The following ZFHX3 variants were observed in gnomAD, a reference collection of about 807,000 sequenced individuals.
ZFHX3 encodes the protein zinc finger homeobox 3, also known as zinc finger homeobox protein 3.
Under a neutral mutation model 279.1 loss-of-function variants are expected in ZFHX3, and 42 were observed. The ratio of observed to expected loss-of-function variants is 0.15; its 90% confidence interval spans 0.12 to 0.19. ZFHX3 has a LOEUF of 0.19. Among genes scored for constraint, ZFHX3 ranks in the 10% least tolerant of loss-of-function variants. The probability of loss-of-function intolerance (pLI) is 1.00; values close to 1 mark genes in which losing one functional copy is unlikely to be tolerated. For missense variants in ZFHX3, 4,981 were observed against 4,754.0 expected (o/e 1.05, Z -1.40); for synonymous variants, 2,293 against 1,957.8 (o/e 1.17, Z -4.52).
At chr16:73,658,623 A>G (rs12448416) in intron 2 of ZFHX3, among the ~76,000 whole-genome samples, 134,040 of 152,174 alleles carry the variant, frequency 0.88, 59,143 homozygotes, top group East Asian at 0.98. Flanking sequence ...ATTTTATGAC[A>G]TATCATCCAC....
At chr16:72,842,649 A>G (rs554654935) in intron 4 of ZFHX3, among the ~76,000 whole-genome samples, 1 of 152,310 alleles carries the variant, frequency 6.6e-6, no homozygotes, top group South Asian at 2.1e-4. Flanking sequence ...GAGGAAGGAG[A>G]TTTAGATGGC....
intron 1 of ZFHX3, among the ~76,000 whole-genome samples, chr16:73,868,771 C>CTT (rs1962095131): frequency 6.6e-6 from 1 of 150,756 alleles, no homozygotes; most frequent in Non-Finnish European, 1.5e-5. Context: ...TTCTTTCTTT[C>CTT]TTTCTTTCTT....
chr16:73,486,697 T>A (rs1049551461), intron 2 of ZFHX3: 3 of 432,398 alleles, frequency 6.9e-6, no homozygotes, highest in Non-Finnish European at 1.4e-5. Flanking sequence ...AGCCCAGGAC[T>A]TTCCTGGTTT....
chr16:73,181,311 C>T (rs993823370), intron 5 of ZFHX3, among the ~76,000 whole-genome samples: 1 of 151,652 alleles, frequency 6.6e-6, no homozygotes, highest in South Asian at 2.1e-4. Context: ...ATGTTGGTCT[C>T]CATCTCCTGA....
At position 72,794,859 on chromosome 16, in the gene ZFHX3, G is replaced by A. The variant is rs2035843967; in HGVS notation, c.7823C>T (p.Thr2608Ile). The change falls in exon 9 of 10, where the codon ACC becomes ATC. Residue 2608 changes from threonine (T) to isoleucine (I), a missense_variant. Around this residue, in one of 7 missense-constraint regions of ZFHX3, gnomAD observed 744 missense variants for 701.3 expected, o/e 1.06. Coordinates refer to ENST00000268489, the MANE Select transcript of ZFHX3 (RefSeq NM_006885.4). The surrounding 1 kb of genome is among the most constrained non-coding windows in gnomAD (Gnocchi z 4.2). Reference protein sequence around the residue: ...ASSATSPSTPTSTMNTLKRKL... With the variant: ...ASSATSPSTPISTMNTLKRKL... ...CCTCTTGAGAGTGTTCATTGTGGAG[G>A]TTGGAGTTGAAGGAGAAGTGGCTGA... 1.2e-6 allele frequency: 2 copies of A among 1,614,038 alleles called. No homozygotes were observed. Among genetic ancestry groups the A allele is most frequent in the East Asian group, 4.5e-5 (2 of 44,872 alleles).
At chr16:73,112,715 CAAAA>C (rs56149570) in intron 7 of ZFHX3, among the ~76,000 whole-genome samples, 4 of 30,258 alleles carry the variant, frequency 1.3e-4, no homozygotes, top group Non-Finnish European at 1.6e-4. Flanking sequence ...GACTCCATCT[CAAAA>C]AAAAAAAAAA....
At chr16:73,686,258 C>A (rs549306917) in intron 1 of ZFHX3, among the ~76,000 whole-genome samples, 49 of 152,194 alleles carry the variant, frequency 3.2e-4, no homozygotes, top group Admixed American at 1.2e-3. Context: ...CCACACCTGG[C>A]TAATTTTTTG....
chr16:73,652,689 G>C (rs1274430512), intron 2 of ZFHX3, among the ~76,000 whole-genome samples: 1 of 152,160 alleles, frequency 6.6e-6, no homozygotes, highest in Non-Finnish European at 1.5e-5. Flanking sequence ...ATTAGCTGGA[G>C]AAAGTGTCTG....
chr16:73,234,992 T>C (rs1001998066), intron 5 of ZFHX3, among the ~76,000 whole-genome samples: 3 of 152,238 alleles, frequency 2.0e-5, no homozygotes, highest in Non-Finnish European at 4.4e-5. Flanking sequence ...AAGCAGACAA[T>C]GCTGTCTAGA....
At chr16:73,744,739 G>A (rs1206115527) in intron 1 of ZFHX3, among the ~76,000 whole-genome samples, 6 of 152,054 alleles carry the variant, frequency 3.9e-5, no homozygotes, top group South Asian at 2.1e-4. Context: ...AAGACCAGTC[G>A]ATATTTCTGA....
At chr16:73,295,943 C>T (rs868649109) in intron 4 of ZFHX3, among the ~76,000 whole-genome samples, 1 of 152,204 alleles carries the variant, frequency 6.6e-6, no homozygotes, top group Admixed American at 6.5e-5. Context: ...TGCCCCAGTT[C>T]CAATGGCACC....
chr16:73,569,817 G>A (rs1423154896), intron 2 of ZFHX3, among the ~76,000 whole-genome samples: 2 of 152,160 alleles, frequency 1.3e-5, no homozygotes, highest in African/African-American at 4.8e-5. Context: ...CTCAAGAACA[G>A]TTAATCCCAC....
chr16:73,059,547 T>A (rs1390697543), exon 1 of ZFHX3: 1 of 149,402 alleles, frequency 6.7e-6, no homozygotes, highest in Non-Finnish European at 1.5e-5. Flanking sequence ...TCTCTCTCTC[T>A]CTCTCTCTCT....
chr16:73,222,132 T>G (rs2012441580), intron 5 of ZFHX3, among the ~76,000 whole-genome samples: 2 of 152,108 alleles, frequency 1.3e-5, no homozygotes, highest in Non-Finnish European at 2.9e-5. Context: ...TGTAGTCACT[T>G]CTAGTTATAA....
At chr16:73,620,892 G>T (rs535655796) in intron 2 of ZFHX3, among the ~76,000 whole-genome samples, 1 of 152,330 alleles carries the variant, frequency 6.6e-6, no homozygotes, top group Non-Finnish European at 1.5e-5. Context: ...TTGGGTGAGA[G>T]AAAAGGACCA....
rs578124103 is a variant in ZFHX3, at chr16:73,626,014, C to T, written c.-1547+54166G>A. ...CTGGGACTACAGGTGCCCACCACCA[C>T]GCCTGGCTAATTTTTCTATTTTTAG... On this transcript the variant is annotated intron_variant, in intron 2 of 17. Coordinates refer to the ZFHX3 transcript ENST00000641206. Among the ~76,000 whole-genome samples the T allele has an allele frequency of 4.1e-3, 626 of 152,220 alleles. 7 individuals carry two copies. The highest frequency in any genetic ancestry group is 0.014 in the African/African-American group (588 of 41,518).
chr16:72,834,331 C>T (rs12103361), intron 4 of ZFHX3, among the ~76,000 whole-genome samples: 12,556 of 152,224 alleles, frequency 0.082, 1,306 homozygotes, highest in East Asian at 0.28. Flanking sequence ...TTACTAGTGC[C>T]TGGCAAAATC....
chr16:73,381,712 T>C (rs55944848), intron 3 of ZFHX3, among the ~76,000 whole-genome samples: 1 of 151,862 alleles, frequency 6.6e-6, no homozygotes, highest in African/African-American at 2.4e-5. Flanking sequence ...AGAAGAAGAA[T>C]TGTCTTGGGC....
intron 4 of ZFHX3, among the ~76,000 whole-genome samples, chr16:73,275,394 C>T (rs1441948330): frequency 2.0e-5 from 3 of 151,172 alleles, no homozygotes; most frequent in African/African-American, 2.5e-5. Flanking sequence ...CATCACTTGA[C>T]GAAGCTTCGG....
Sources: gnomAD v4.1 joint callset for allele counts (sites outside exome capture counted in the v4.1 genomes callset) on GRCh38, gnomAD v4.1.1 for gene constraint, gnomAD v4.1.1 regional missense constraint, Gnocchi (gnomAD v3.1) non-coding constraint, MANE v1.5 for transcripts, NCBI Gene and HGNC (gene_info 2026-07-23, HGNC 2026-07-21) for gene names.